SLC4A10: variants seen among roughly 807,000 people sequenced by gnomAD.
SLC4A10 encodes solute carrier family 4 member 10, also known as sodium-driven chloride bicarbonate exchanger.
Under a neutral mutation model 137.7 loss-of-function variants are expected in SLC4A10, and 42 were observed. That is an observed-to-expected ratio of 0.30 (90% CI 0.24 to 0.39). The LOEUF is 0.39. Ranked by LOEUF, SLC4A10 falls within the 10% of genes least tolerant of loss-of-function variation. SLC4A10 has a pLI of 1.00. For missense variants in SLC4A10, 925 were observed against 1,355.0 expected, an observed-to-expected ratio of 0.68 and a Z score of 4.98; for synonymous variants, 474 against 464.1, an observed-to-expected ratio of 1.02 and a Z score of -0.27.
intron 3 of SLC4A10, among the ~76,000 whole-genome samples, chr2:161,829,904 T>C (rs920443423): frequency 6.6e-6 from 1 of 151,952 alleles, no homozygotes; most frequent in African/African-American, 2.4e-5. Flanking sequence ...TATAAAACCA[T>C]CAGATCTCAT....
intron 15 of SLC4A10, among the ~76,000 whole-genome samples, chr2:161,926,131 T>G (rs1298817846): frequency 6.6e-6 from 1 of 152,072 alleles, no homozygotes; most frequent in Non-Finnish European, 1.5e-5. Flanking sequence ...CTCGTTGATC[T>G]GTCTAATGTT....
At chr2:161,755,687 C>G (rs1052896394) in intron 1 of SLC4A10, among the ~76,000 whole-genome samples, 11 of 152,200 alleles carry the variant, frequency 7.2e-5, no homozygotes, top group African/African-American at 2.6e-4. Context: ...TATCTTCATC[C>G]CTTTAGAATA....
At chr2:161,665,131 G>A (rs1314662459) in intron 1 of SLC4A10, among the ~76,000 whole-genome samples, 1 of 151,700 alleles carries the variant, frequency 6.6e-6, no homozygotes, top group Non-Finnish European at 1.5e-5. Context: ...AATAGTAGCG[G>A]CTTTTGATCA....
intron 3 of SLC4A10, among the ~76,000 whole-genome samples, chr2:161,822,405 A>C (rs2057697164): frequency 6.6e-6 from 1 of 152,256 alleles, no homozygotes; most frequent in Non-Finnish European, 1.5e-5. Flanking sequence ...CATGCAACAC[A>C]AAATGACTAT....
At position 161,685,635 on chromosome 2, in the gene SLC4A10, CAAAA is replaced by C. The variant is rs201910372; in HGVS notation, c.48+61077_48+61080del. 6.7e-3 allele frequency among the ~76,000 whole-genome samples: 454 copies of C among 68,018 alleles called. 1 individual carries two copies. Among genetic ancestry groups the C allele is most frequent in the South Asian group, 0.043 (77 of 1,772 alleles). 44.6% of individuals were successfully genotyped at this position (68,018 alleles called of 152,430 possible). On this transcript the variant is annotated intron_variant, in intron 1 of 26. Coordinates refer to ENST00000446997, the MANE Select transcript of SLC4A10 (RefSeq NM_001178015.2). ...AAAAACAAACAAACAAACAAACAAA[CAAAA>C]AAAAAAACAAAGAAATTGAGGTTTA... is the stretch of plus-strand genomic sequence containing the variant.
intron 1 of SLC4A10, among the ~76,000 whole-genome samples, chr2:161,654,691 C>A (rs2037273009): frequency 6.6e-6 from 1 of 152,068 alleles, no homozygotes; most frequent in Non-Finnish European, 1.5e-5. Flanking sequence ...ACCTTATATG[C>A]ATGGGTTTAT....
intron 3 of SLC4A10, among the ~76,000 whole-genome samples, chr2:161,813,006 C>T (rs888791136): frequency 6.6e-6 from 1 of 151,924 alleles, no homozygotes; most frequent in African/African-American, 2.4e-5. Context: ...CTTATTTCAT[C>T]CTATTTTCTT....
chr2:161,960,868 C>A (rs981818780), intron 21 of SLC4A10, among the ~76,000 whole-genome samples: 2 of 152,136 alleles, frequency 1.3e-5, no homozygotes, highest in African/African-American at 4.8e-5. Flanking sequence ...CAATATCTTG[C>A]TTTAGGCTTC....
At chr2:161,797,389 A>G (rs368665178) in intron 2 of SLC4A10, among the ~76,000 whole-genome samples, 1 of 152,094 alleles carries the variant, frequency 6.6e-6, no homozygotes, top group Non-Finnish European at 1.5e-5. Context: ...ATTTTACTCT[A>G]TTGTGAACTC....
intron 3 of SLC4A10, among the ~76,000 whole-genome samples, chr2:161,806,776 T>G (rs1019038875): frequency 3.3e-5 from 5 of 152,154 alleles, no homozygotes; most frequent in African/African-American, 1.2e-4. Context: ...CTTTCCCACA[T>G]TTTCCTATCT....
chr2:161,646,408 A>G (rs1482116083), intron 1 of SLC4A10, among the ~76,000 whole-genome samples: 3 of 152,076 alleles, frequency 2.0e-5, no homozygotes, highest in Non-Finnish European at 4.4e-5. Context: ...AAAAACAAAT[A>G]TGCTAAAAAT....
chr2:161,943,217 G>C (rs1181711592), intron 16 of SLC4A10, among the ~76,000 whole-genome samples: 1 of 152,038 alleles, frequency 6.6e-6, no homozygotes, highest in African/African-American at 2.4e-5. Flanking sequence ...TCTGCCTTCT[G>C]TGTAAAGAAC....
intron 15 of SLC4A10, among the ~76,000 whole-genome samples, chr2:161,906,897 CACA>C (rs1277563965): frequency 6.6e-6 from 1 of 151,476 alleles, no homozygotes; most frequent in Non-Finnish European, 1.5e-5. Flanking sequence ...TACTAAAAAA[CACA>C]AAAAAATTAG....
At chr2:161,630,630 C>T (rs2033359831) in intron 1 of SLC4A10, among the ~76,000 whole-genome samples, 1 of 151,746 alleles carries the variant, frequency 6.6e-6, no homozygotes, top group Non-Finnish European at 1.5e-5. Flanking sequence ...ATTCATTTAT[C>T]ATTCTTTCCA....
At chr2:161,777,512 G>C (rs1031767982) in intron 2 of SLC4A10, among the ~76,000 whole-genome samples, 1 of 151,944 alleles carries the variant, frequency 6.6e-6, no homozygotes. Flanking sequence ...CCAAGATTGA[G>C]CAATTTACAA....
chr2:161,758,006 T>C (rs1326577747), intron 1 of SLC4A10, among the ~76,000 whole-genome samples: 1 of 152,002 alleles, frequency 6.6e-6, no homozygotes, highest in African/African-American at 2.4e-5. Flanking sequence ...CATTTTCTAT[T>C]CCCTCATGTC....
intron 3 of SLC4A10, among the ~76,000 whole-genome samples, chr2:161,815,421 C>T (rs1222126322): frequency 6.6e-6 from 1 of 152,080 alleles, no homozygotes; most frequent in Non-Finnish European, 1.5e-5. Flanking sequence ...CTTCTCCTTC[C>T]GCCATGATTG....
intron 15 of SLC4A10, among the ~76,000 whole-genome samples, chr2:161,936,773 T>C (rs1913806): frequency 1 from 151,685 of 152,276 alleles, 75,549 homozygotes; most frequent in East Asian, 1. Flanking sequence ...TAGAATAGAA[T>C]GTTCTATTTC....
intron 8 of SLC4A10, among the ~76,000 whole-genome samples, chr2:161,876,090 A>G (rs1237112214): frequency 2.0e-5 from 3 of 152,188 alleles, no homozygotes; most frequent in Non-Finnish European, 2.9e-5. Context: ...ATTAAGTATC[A>G]AAGGCCCAGA....
Sources: allele counts gnomAD v4.1 joint callset (sites outside exome capture counted in the v4.1 genomes callset), GRCh38; gene constraint gnomAD v4.1.1; transcripts MANE v1.5; gene names NCBI Gene and HGNC (gene_info 2026-07-23, HGNC 2026-07-21).